The following AGAP1 variants were observed in gnomAD, a reference collection of about 807,000 sequenced individuals.
AGAP1 encodes ArfGAP with GTPase domain, ankyrin repeat and PH domain 1.
A neutral mutation model predicts 105.3 loss-of-function variants in AGAP1; 29 were observed. The observed-to-expected ratio is 0.28, with a 90% CI of 0.21 to 0.38. AGAP1 has a LOEUF of 0.38. Ranked by LOEUF, AGAP1 falls within the 10% of genes least tolerant of loss-of-function variation. AGAP1 has a pLI of 1.00. For missense variants in AGAP1, 998 were observed against 1,165.1 expected (o/e 0.86, Z 2.09); for synonymous variants, 509 against 485.9 (o/e 1.05, Z -0.63).
chr2:236,113,770 G>T lies in AGAP1; in HGVS notation c.2115-6422G>T, dbSNP rs1278586166. Among the ~76,000 whole-genome samples, 1 of 152,108 alleles carries T rather than the reference G, an allele frequency of 6.6e-6. No individual in the cohort carries two copies. Among genetic ancestry groups the T allele is most frequent in the Non-Finnish European group, 1.5e-5 (1 of 68,016 alleles). Reference sequence around the variant, plus strand: ...TGGCAGACCCCGAAAAATCCAGAGGGTTCACGGCTCCTGCAACCTACCCAG... The same window carrying T: ...TGGCAGACCCCGAAAAATCCAGAGGTTTCACGGCTCCTGCAACCTACCCAG... On this transcript the variant is annotated intron_variant, in intron 16 of 17. Transcript: ENST00000304032. The surrounding 1 kb of genome is among the most constrained non-coding windows in gnomAD (Gnocchi z 4.3).
At chr2:235,923,154 T>C (rs1043616607) in intron 11 of AGAP1, among the ~76,000 whole-genome samples, 2 of 152,154 alleles carry the variant, frequency 1.3e-5, no homozygotes, top group Non-Finnish European at 2.9e-5. Context: ...AGTCATGTAT[T>C]TCATGGTAAC....
rs980975528 is a variant in AGAP1, at chr2:236,076,511, T to A, written c.2114+27230T>A. On this transcript the variant is annotated intron_variant, in intron 16 of 17. Transcript: ENST00000304032. The surrounding 1 kb of genome is among the most constrained non-coding windows in gnomAD (Gnocchi z 4.4). The stretch of plus-strand genomic sequence containing the variant: ...TTTGCACATGGCCCATAACAAGCTG[T>A]CCTGACCTTCTCAGTGTGTGACCCA... Among the ~76,000 whole-genome samples the A allele has an allele frequency of 7.2e-5, 11 of 151,754 alleles. No individual in the cohort carries two copies. The highest frequency in any genetic ancestry group is 8.8e-5 in the Non-Finnish European group (6 of 67,840).
chr2:235,959,022 G>C lies in AGAP1; in HGVS notation c.1484-9440G>C, dbSNP rs947264352. ...ACATTGAATGTGCGGGATGGTGCCG[G>C]CCCATCCCGGCTCAGCGCCGCGCAG... On this transcript the variant is annotated intron_variant, in intron 12 of 17. Transcript: ENST00000304032. This position sits in a 1 kb window ranked among gnomAD's most constrained non-coding sequence, Gnocchi z 7.3. Among the ~76,000 whole-genome samples the C allele has an allele frequency of 5.9e-5, 9 of 152,186 alleles. No individual in the cohort carries two copies. Among genetic ancestry groups the C allele is most frequent in the Non-Finnish European group, 1.3e-4 (9 of 68,030 alleles).
At position 236,035,095 on chromosome 2, in the gene AGAP1, C is replaced by G. The variant is rs1407827581; in HGVS notation, c.1646-1466C>G. Among the ~76,000 whole-genome samples, 1 of 152,156 alleles carries G rather than the reference C, an allele frequency of 6.6e-6. No homozygotes were observed. The highest frequency in any genetic ancestry group is 2.4e-5 in the African/African-American group (1 of 41,450). On this transcript the variant is annotated intron_variant, in intron 13 of 17. Coordinates refer to ENST00000304032, the MANE Select transcript of AGAP1 (RefSeq NM_001037131.3). This position sits in a 1 kb window ranked among gnomAD's most constrained non-coding sequence, Gnocchi z 4.2. ...GCCAGTCTAGGTGAGGTCAGTAAGCCGTGCTTGGAAGCTGGGCTAGAGGGA... is the reference window on the plus strand; with the variant it reads ...GCCAGTCTAGGTGAGGTCAGTAAGCGGTGCTTGGAAGCTGGGCTAGAGGGA...
In AGAP1 at chr2:235,741,480, C is replaced by T. The variant is rs115963226; in HGVS notation, c.396+432C>T. 3.8e-3 allele frequency among the ~76,000 whole-genome samples: 584 copies of T among 152,320 alleles called. 2 individuals are homozygous for T. Among genetic ancestry groups the T allele is most frequent in the Non-Finnish European group, 6.1e-3 (414 of 68,026 alleles). ...ACCTTCTCTCTGTCTCTGGTAACTACAGGCATTGGCCCCTCTGTGCCGCCC... is the reference window on the plus strand; with the variant it reads ...ACCTTCTCTCTGTCTCTGGTAACTATAGGCATTGGCCCCTCTGTGCCGCCC... On this transcript the variant is annotated intron_variant, in intron 4 of 17. Transcript: ENST00000304032. The surrounding 1 kb of genome is among the most constrained non-coding windows in gnomAD (Gnocchi z 4.9).
At chr2:236,025,391 G>A (rs979056289) in intron 13 of AGAP1, among the ~76,000 whole-genome samples, 1 of 152,098 alleles carries the variant, frequency 6.6e-6, no homozygotes, top group Admixed American at 6.6e-5. Flanking sequence ...TCATCACCGT[G>A]TCACTTCGTA....
At chr2:236,091,965 C>T (rs2059071698) in intron 16 of AGAP1, among the ~76,000 whole-genome samples, 2 of 152,152 alleles carry the variant, frequency 1.3e-5, no homozygotes, top group Non-Finnish European at 2.9e-5. Context: ...TAATACACAA[C>T]AACAACTTAG....
chr2:235,939,287 A>C (rs1370495674), intron 12 of AGAP1, among the ~76,000 whole-genome samples: 1 of 151,994 alleles, frequency 6.6e-6, no homozygotes, highest in Non-Finnish European at 1.5e-5. Flanking sequence ...CTTCTCTCCC[A>C]TGCCAAAACC....
At chr2:235,997,409 A>G (rs1216583039) in intron 13 of AGAP1, among the ~76,000 whole-genome samples, 1 of 152,180 alleles carries the variant, frequency 6.6e-6, no homozygotes, top group Non-Finnish European at 1.5e-5. Context: ...TTTAAAATAT[A>G]ACTCATAATT....
At chr2:235,687,702 A>C (rs1016098529) in intron 1 of AGAP1, among the ~76,000 whole-genome samples, 3 of 152,192 alleles carry the variant, frequency 2.0e-5, no homozygotes, top group Non-Finnish European at 2.9e-5. Context: ...ACCTTCGTTC[A>C]GATCAGACTT....
At chr2:235,819,009 G>T (rs1958624187) in intron 9 of AGAP1, among the ~76,000 whole-genome samples, 1 of 152,248 alleles carries the variant, frequency 6.6e-6, no homozygotes, top group African/African-American at 2.4e-5. Context: ...ATCAAGATCA[G>T]ATGAGGTCCT....
At position 235,931,319 on chromosome 2, in the gene AGAP1, A is replaced by T. The variant is rs1312097093; in HGVS notation, c.1483+396A>T. Among the ~76,000 whole-genome samples the T allele has an allele frequency of 6.6e-6, 1 of 152,144 alleles. No homozygotes were observed. The highest frequency in any genetic ancestry group is 1.5e-5 in the Non-Finnish European group (1 of 68,022). Reference sequence around the variant, plus strand: ...GCCCACACTCTTCCACCACTAGTGCACATTTTATATCATTAGGGTGAATTC... The same window carrying T: ...GCCCACACTCTTCCACCACTAGTGCTCATTTTATATCATTAGGGTGAATTC... On this transcript the variant is annotated intron_variant, in intron 12 of 17. Transcript: ENST00000304032. This position sits in a 1 kb window ranked among gnomAD's most constrained non-coding sequence, Gnocchi z 5.6.
In AGAP1 at chr2:235,893,125, G is replaced by A. The variant is rs1356992968; in HGVS notation, c.1155+9676G>A. On this transcript the variant is annotated intron_variant, in intron 10 of 17. Transcript: ENST00000304032. The surrounding 1 kb of genome is among the most constrained non-coding windows in gnomAD (Gnocchi z 4.7). ...GTGTGCTGTGTCCTCATAAGGGTGC[G>A]CCATGTCTGTGGCGTAGTGTGCACC... Among the ~76,000 whole-genome samples, 13 of 149,992 alleles carry A rather than the reference G, an allele frequency of 8.7e-5. No individual in the cohort carries two copies. The highest frequency in any genetic ancestry group is 2.2e-4 in the African/African-American group (9 of 40,720).
chr2:235,653,909 A>AGCC (rs1347442873), intron 1 of AGAP1, among the ~76,000 whole-genome samples: 1 of 152,146 alleles, frequency 6.6e-6, no homozygotes, highest in Admixed American at 6.5e-5. Flanking sequence ...ATACAAAATT[A>AGCC]GCCGGGAGTG....
intron 9 of AGAP1, among the ~76,000 whole-genome samples, chr2:235,840,001 T>G (rs1960624944): frequency 6.6e-6 from 1 of 152,246 alleles, no homozygotes; most frequent in African/African-American, 2.4e-5. Flanking sequence ...AAATAATTTA[T>G]GAGGAAAATA....
Position 235,609,346 on chromosome 2 carries a change from A to G in AGAP1, c.164-99833A>G, listed in dbSNP as rs557967813. Reference sequence around the variant, plus strand: ...AAGTCCCTGTTAAAATGGCCAGAGGACATGGGGACATGGGGCAGGGAGAGC... The same window carrying G: ...AAGTCCCTGTTAAAATGGCCAGAGGGCATGGGGACATGGGGCAGGGAGAGC... On this transcript the variant is annotated intron_variant, in intron 1 of 17. Transcript: ENST00000304032. This position sits in a 1 kb window ranked among gnomAD's most constrained non-coding sequence, Gnocchi z 5.1. 1.3e-4 allele frequency among the ~76,000 whole-genome samples: 20 copies of G among 152,280 alleles called. No individual in the cohort carries two copies. The highest frequency in any genetic ancestry group is 4.8e-4 in the African/African-American group (20 of 41,562).
At chr2:235,859,525 T>G (rs1291742878) in intron 9 of AGAP1, among the ~76,000 whole-genome samples, 2 of 136,020 alleles carry the variant, frequency 1.5e-5, no homozygotes, top group Non-Finnish European at 3.1e-5. Flanking sequence ...TTCTAGTTTC[T>G]TATTTTTTCT....
chr2:235,771,895 A>G (rs752723278), intron 6 of AGAP1, among the ~76,000 whole-genome samples: 52 of 152,176 alleles, frequency 3.4e-4, no homozygotes, highest in Middle Eastern at 3.4e-3. Context: ...CTGTGACAAA[A>G]AATTCAGATG....
Position 235,908,487 on chromosome 2 carries a change from A to G in AGAP1, c.1156-251A>G, listed in dbSNP as rs1559633721. Among the ~76,000 whole-genome samples the G allele has an allele frequency of 6.6e-6, 1 of 152,120 alleles. No homozygotes were observed. Among genetic ancestry groups the G allele is most frequent in the South Asian group, 2.1e-4 (1 of 4,818 alleles). ...CTTCCTAATGACCCTTGAAGGAGGCACCTGCTGTGTCTCTCCTTACATCTC... is the reference window on the plus strand; with the variant it reads ...CTTCCTAATGACCCTTGAAGGAGGCGCCTGCTGTGTCTCTCCTTACATCTC... On this transcript the variant is annotated intron_variant, in intron 10 of 17. Coordinates refer to ENST00000304032, the MANE Select transcript of AGAP1 (RefSeq NM_001037131.3). The surrounding 1 kb of genome is among the most constrained non-coding windows in gnomAD (Gnocchi z 4.4).
Sources: allele counts gnomAD v4.1 joint callset (sites outside exome capture counted in the v4.1 genomes callset), GRCh38; gene constraint gnomAD v4.1.1; non-coding constraint Gnocchi (gnomAD v3.1); transcripts MANE v1.5; gene names NCBI Gene and HGNC (gene_info 2026-07-23, HGNC 2026-07-21).